TAFA5: variants seen among roughly 807,000 people sequenced by gnomAD.
TAFA5 encodes TAFA chemokine like family member 5.
A neutral mutation model predicts 15.3 loss-of-function variants in TAFA5; 6 were observed. The ratio of observed to expected loss-of-function variants is 0.39; its 90% CI spans 0.21 to 0.77. TAFA5 has a LOEUF of 0.77. Ranked by LOEUF, TAFA5 falls within the 30% of genes least tolerant of loss-of-function variation. The pLI is 0.41. For synonymous variants in TAFA5, 103 were observed against 80.7 expected (o/e 1.28, Z -1.48); for missense variants, 161 against 193.1 (o/e 0.83, Z 0.98).
At chr22:48,667,173 G>A (rs1477797144) in intron 2 of TAFA5, among the ~76,000 whole-genome samples, 1 of 152,150 alleles carries the variant, frequency 6.6e-6, no homozygotes, top group African/African-American at 2.4e-5. Flanking sequence ...AGGGCAGCAG[G>A]GATGAGGTCT....
chr22:48,743,614 G>T (rs190544760), intron 3 of TAFA5, among the ~76,000 whole-genome samples: 29 of 152,314 alleles, frequency 1.9e-4, no homozygotes, highest in Admixed American at 1.9e-3. Flanking sequence ...GGGGAGGGCT[G>T]CCAGGTGCGT....
chr22:48,631,730 C>T (rs1224168320), intron 1 of TAFA5, among the ~76,000 whole-genome samples: 1 of 152,182 alleles, frequency 6.6e-6, no homozygotes, highest in Non-Finnish European at 1.5e-5. Flanking sequence ...GTTGAGAGGA[C>T]TTAGGGGGAA....
intron 1 of TAFA5, among the ~76,000 whole-genome samples, chr22:48,512,806 C>T (rs1921265247): frequency 6.6e-6 from 1 of 151,258 alleles, no homozygotes; most frequent in Admixed American, 6.6e-5. Context: ...GCCTTTAGTC[C>T]CAGCTACTTG....
intron 1 of TAFA5, among the ~76,000 whole-genome samples, chr22:48,593,648 T>C (rs984436695): frequency 6.6e-6 from 1 of 152,182 alleles, no homozygotes; most frequent in African/African-American, 2.4e-5. Flanking sequence ...TTGCAGCTCC[T>C]GTTGGGCGCC....
chr22:48,629,286 C>T (rs1279146726), intron 1 of TAFA5, among the ~76,000 whole-genome samples: 1 of 152,174 alleles, frequency 6.6e-6, no homozygotes, highest in Non-Finnish European at 1.5e-5. Flanking sequence ...CTCTCCCAGG[C>T]CTCCCATCCT....
intron 1 of TAFA5, among the ~76,000 whole-genome samples, chr22:48,611,076 G>A (rs2147173632): frequency 6.6e-6 from 1 of 152,140 alleles, no homozygotes; most frequent in East Asian, 1.9e-4. Flanking sequence ...TGGGATTACA[G>A]GTGCGAATCA....
chr22:48,607,094 C>A lies in TAFA5; in HGVS notation c.113-39503C>A, dbSNP rs528564395. Among the ~76,000 whole-genome samples, 5 of 152,364 alleles carry A rather than the reference C, an allele frequency of 3.3e-5. No homozygotes were observed. The East Asian group carries it at 9.6e-4, about 29-fold the overall frequency. On this transcript the variant is annotated intron_variant, in intron 1 of 3. Coordinates refer to ENST00000402357, the MANE Select transcript of TAFA5 (RefSeq NM_001082967.3). ...TGTCCCTACACAGTGGGGCCTCACT[C>A]AGGCCTGCAGGCAGGGCCCGGTCCC...
intron 1 of TAFA5, among the ~76,000 whole-genome samples, chr22:48,635,764 G>A (rs1426120938): frequency 6.6e-6 from 1 of 152,168 alleles, no homozygotes; most frequent in Non-Finnish European, 1.5e-5. Flanking sequence ...TTTTGATTCA[G>A]TGTCCCTGAG....
chr22:48,723,427 G>A (rs1052389473), intron 3 of TAFA5, among the ~76,000 whole-genome samples: 5 of 152,048 alleles, frequency 3.3e-5, no homozygotes, highest in African/African-American at 4.8e-5. Context: ...CATCAGTGCC[G>A]GCGTCTTCGT....
intron 1 of TAFA5, among the ~76,000 whole-genome samples, chr22:48,583,576 A>G (rs1213079610): frequency 4.2e-5 from 2 of 47,632 alleles, no homozygotes; most frequent in Admixed American, 2.3e-4. Flanking sequence ...CACATCACGC[A>G]CACACACCAC....
intron 2 of TAFA5, among the ~76,000 whole-genome samples, chr22:48,649,043 G>A (rs1435018602): frequency 1.3e-5 from 2 of 152,196 alleles, no homozygotes; most frequent in African/African-American, 4.8e-5. Context: ...AGGCCAGGCA[G>A]TGAGTCTGCC....
chr22:48,578,377 C>A (rs1297577929), intron 1 of TAFA5, among the ~76,000 whole-genome samples: 1 of 152,190 alleles, frequency 6.6e-6, no homozygotes, highest in Non-Finnish European at 1.5e-5. Flanking sequence ...TCTGCTGTCC[C>A]CCTGAGGCTC....
intron 1 of TAFA5, among the ~76,000 whole-genome samples, chr22:48,583,909 A>C (rs1924211841): frequency 6.8e-6 from 1 of 147,408 alleles, no homozygotes. Flanking sequence ...CACAAAATAA[A>C]CCTCATACAC....
At chr22:48,513,473 A>G (rs1921297808) in intron 1 of TAFA5, among the ~76,000 whole-genome samples, 1 of 152,116 alleles carries the variant, frequency 6.6e-6, no homozygotes, top group Non-Finnish European at 1.5e-5. Flanking sequence ...CCCCCAATAG[A>G]AGGACAGACT....
At chr22:48,627,522 C>G (rs1036595784) in intron 1 of TAFA5, among the ~76,000 whole-genome samples, 1 of 152,200 alleles carries the variant, frequency 6.6e-6, no homozygotes, top group Non-Finnish European at 1.5e-5. Context: ...ACAGCCCTGC[C>G]CCCCCAGGTA....
chr22:48,506,659 G>A (rs1273663322), intron 1 of TAFA5, among the ~76,000 whole-genome samples: 2 of 152,166 alleles, frequency 1.3e-5, no homozygotes, highest in African/African-American at 4.8e-5. Context: ...CTGCCCTGCC[G>A]GGTGCTGATG....
At chr22:48,695,120 T>C (rs1026998699) in intron 2 of TAFA5, among the ~76,000 whole-genome samples, 1 of 151,928 alleles carries the variant, frequency 6.6e-6, no homozygotes, top group Non-Finnish European at 1.5e-5. Context: ...GTGTGTGTCT[T>C]TGTGTGTCTG....
chr22:48,502,351 G>A (rs1334183229), intron 1 of TAFA5, among the ~76,000 whole-genome samples: 2 of 152,038 alleles, frequency 1.3e-5, no homozygotes, highest in Non-Finnish European at 1.5e-5. Context: ...ACCTGTTGAG[G>A]CACATTGTTC....
intron 3 of TAFA5, among the ~76,000 whole-genome samples, chr22:48,748,485 G>T (rs1234009109): frequency 6.6e-6 from 1 of 152,216 alleles, no homozygotes; most frequent in East Asian, 1.9e-4. Flanking sequence ...AACGGCCGTG[G>T]TGGCAGCTCC....
Sources: gnomAD v4.1 joint callset for allele counts (sites outside exome capture counted in the v4.1 genomes callset) on GRCh38, gnomAD v4.1.1 for gene constraint, MANE v1.5 for transcripts, NCBI Gene and HGNC (gene_info 2026-07-23, HGNC 2026-07-21) for gene names.